Variants in SLC24A2 observed in about 807,000 individuals in gnomAD.
The protein encoded by SLC24A2 is solute carrier family 24 member 2.
SLC24A2 carries 36 observed loss-of-function variants against 62.0 expected under a neutral mutation model. That is an observed-to-expected ratio of 0.58 (90% CI 0.44 to 0.77). SLC24A2 has a LOEUF of 0.77. Among genes scored for constraint, SLC24A2 ranks in the 30% least tolerant of loss-of-function variants. The pLI, the probability that SLC24A2 is intolerant of heterozygous loss-of-function variation, is 0.00. For missense variants in SLC24A2, 846 were observed against 817.9 expected (o/e 1.03, Z -0.42); for synonymous variants, 358 against 294.0 (o/e 1.22, Z -2.23).
chr9:19,804,148 G>C, the SLC24A2 span, among the ~76,000 whole-genome samples: 3 of 152,102 alleles, frequency 2.0e-5, no homozygotes, highest in Non-Finnish European at 4.4e-5. Context: ...TTGTTAAAGT[G>C]GATAGCCTGT....
chr9:20,290,658 A>C, the SLC24A2 span, among the ~76,000 whole-genome samples: 1 of 152,248 alleles, frequency 6.6e-6, no homozygotes, highest in Non-Finnish European at 1.5e-5. Flanking sequence ...GGTGAGGGGA[A>C]AGAGCAGGGA....
the SLC24A2 span, among the ~76,000 whole-genome samples, chr9:19,997,195 T>C: frequency 6.6e-6 from 1 of 152,158 alleles, no homozygotes; most frequent in Non-Finnish European, 1.5e-5. Context: ...TCTTAATAAT[T>C]TTTGGAATCT....
chr9:19,842,188 G>T, the SLC24A2 span, among the ~76,000 whole-genome samples: 1 of 152,126 alleles, frequency 6.6e-6, no homozygotes, highest in African/African-American at 2.4e-5. Flanking sequence ...TGTCAGCACC[G>T]CATCCAAGGA....
At chr9:19,590,966 G>A (rs989218050) in intron 5 of SLC24A2, among the ~76,000 whole-genome samples, 3 of 151,936 alleles carry the variant, frequency 2.0e-5, no homozygotes, top group African/African-American at 2.4e-5. Flanking sequence ...CTCCTTTAAC[G>A]TGTTCTTCAC....
the SLC24A2 span, among the ~76,000 whole-genome samples, chr9:20,053,387 T>G: frequency 3.3e-4 from 51 of 152,286 alleles, no homozygotes; most frequent in Admixed American, 2.8e-3. Context: ...TTTTTGTCCA[T>G]TTTGCATTTT....
At chr9:20,213,989 G>T in the SLC24A2 span, among the ~76,000 whole-genome samples, 2 of 152,058 alleles carry the variant, frequency 1.3e-5, no homozygotes, top group Non-Finnish European at 2.9e-5. Flanking sequence ...GACTTATTTC[G>T]CTTGTCATAA....
chr9:19,550,870 C>T (rs893523926), intron 7 of SLC24A2, among the ~76,000 whole-genome samples: 32 of 151,982 alleles, frequency 2.1e-4, no homozygotes, highest in African/African-American at 6.5e-4. Flanking sequence ...TGATATTTTA[C>T]GTATTTCTGG....
At chr9:19,805,437 G>A in the SLC24A2 span, among the ~76,000 whole-genome samples, 1 of 152,094 alleles carries the variant, frequency 6.6e-6, no homozygotes, top group African/African-American at 2.4e-5. Context: ...ATTATGCAGA[G>A]CAACATTACT....
chr9:19,668,733 A>G (rs1031647568), intron 2 of SLC24A2, among the ~76,000 whole-genome samples: 2 of 152,192 alleles, frequency 1.3e-5, no homozygotes, highest in African/African-American at 4.8e-5. Context: ...ACACACAGAT[A>G]CACAACCCTG....
chr9:19,877,972 A>G, the SLC24A2 span, among the ~76,000 whole-genome samples: 40 of 152,166 alleles, frequency 2.6e-4, 1 homozygote, highest in African/African-American at 8.9e-4. Flanking sequence ...ATGTGAATCT[A>G]TGAGGCTTGG....
the SLC24A2 span, among the ~76,000 whole-genome samples, chr9:20,040,210 G>A: frequency 0.1 from 15,834 of 152,114 alleles, 834 homozygotes; most frequent in East Asian, 0.18. Flanking sequence ...ACGATTTTTT[G>A]TTGTTGTTAG....
At chr9:20,000,031 T>A in the SLC24A2 span, among the ~76,000 whole-genome samples, 1 of 152,162 alleles carries the variant, frequency 6.6e-6, no homozygotes, top group African/African-American at 2.4e-5. Flanking sequence ...GGAGTCTCAG[T>A]CTTTGGGGTT....
chr9:19,990,851 C>CA, the SLC24A2 span, among the ~76,000 whole-genome samples: 65,739 of 126,222 alleles, frequency 0.52, 17,064 homozygotes, highest in Non-Finnish European at 0.59. Context: ...TCTTGGTTAT[C>CA]AAAAAAAAAA....
At position 19,554,183 on chromosome 9, in the gene SLC24A2, C is replaced by T. The variant is rs779009812; in HGVS notation, c.1348-3915G>A. ...AGGCCACATGAAGATGGGGACACAG[C>T]AAGAAGGCAGCGGCAGCAAGCAAAG... On this transcript the variant is annotated intron_variant, in intron 7 of 10. Transcript: ENST00000341998. Among the ~76,000 whole-genome samples, 4 of 152,156 alleles carry T rather than the reference C, an allele frequency of 2.6e-5. No homozygotes were observed. In the South Asian group the frequency reaches 6.2e-4, roughly 24 times the overall value.
chr9:19,577,110 G>A (rs1586987479), intron 5 of SLC24A2, 88 bp from the exon 6 acceptor site: 6 of 991,158 alleles, frequency 6.1e-6, no homozygotes, highest in South Asian at 2.6e-5. Context: ...CCTCAGTCAC[G>A]CTGCACTAAT....
At chr9:19,576,763 C>T (rs1201851105) in intron 6 of SLC24A2, among the ~76,000 whole-genome samples, 161 bp downstream of exon 6, 1 of 152,160 alleles carries the variant, frequency 6.6e-6, no homozygotes, top group African/African-American at 2.4e-5. Context: ...ACCCTGTACA[C>T]ACTAGGGCAA....
At chr9:19,905,253 G>A in the SLC24A2 span, among the ~76,000 whole-genome samples, 1 of 152,202 alleles carries the variant, frequency 6.6e-6, no homozygotes, top group Admixed American at 6.5e-5. Flanking sequence ...AAGGAAATGA[G>A]GGCCCATTAG....
chr9:19,755,523 G>A (rs2118829653), intron 2 of SLC24A2, among the ~76,000 whole-genome samples: 1 of 152,298 alleles, frequency 6.6e-6, no homozygotes, highest in South Asian at 2.1e-4. Flanking sequence ...TGTGAAACAG[G>A]TGGCCGGGTG....
At chr9:20,092,929 T>C in the SLC24A2 span, among the ~76,000 whole-genome samples, 1 of 152,216 alleles carries the variant, frequency 6.6e-6, no homozygotes, top group Non-Finnish European at 1.5e-5. Context: ...AATAAGGTGA[T>C]ATATGGCAAA....
Sources: gnomAD v4.1 joint callset for allele counts (sites outside exome capture counted in the v4.1 genomes callset) on GRCh38, gnomAD v4.1.1 for gene constraint, MANE v1.5 for transcripts, NCBI Gene and HGNC (gene_info 2026-07-23, HGNC 2026-07-21) for gene names.